Variants in FNBP1 observed in about 807,000 individuals in gnomAD.
The protein encoded by FNBP1 is formin binding protein 1, also known as formin-binding protein 1.
A neutral mutation model predicts 90.6 loss-of-function variants in FNBP1; 26 were observed. The ratio of observed to expected loss-of-function variants is 0.29; its 90% CI spans 0.21 to 0.40. The LOEUF (loss-of-function observed/expected upper bound fraction) is 0.40. Ranked by LOEUF, FNBP1 falls within the 10% of genes least tolerant of loss-of-function variation. The pLI is 1.00. For missense variants in FNBP1, 635 were observed against 768.0 expected (o/e 0.83, Z 2.05); for synonymous variants, 260 against 265.2 (o/e 0.98, Z 0.19).
In FNBP1 at chr9:130,041,016, T is replaced by C. The variant is rs893154346; in HGVS notation, c.24+1936A>G. Among the ~76,000 whole-genome samples the C allele has an allele frequency of 2.0e-5, 3 of 151,124 alleles. No homozygotes were observed. The highest frequency in any genetic ancestry group is 4.4e-5 in the Non-Finnish European group (3 of 67,788). On this transcript the variant is annotated intron_variant, in intron 1 of 16. Transcript: ENST00000446176. The surrounding 1 kb of genome is among the most constrained non-coding windows in gnomAD (Gnocchi z 4.3). The stretch of plus-strand genomic sequence containing the variant: ...TCTTTTTTCTTTTCTTTTTTTTTTT[T>C]TTAAGAGGAGGCCTCTCCAGATATT...
intron 3 of FNBP1, 52 bp from the exon 4 acceptor site, chr9:129,978,664 A>G (rs140777766): frequency 6.4e-7 from 1 of 1,569,730 alleles, no homozygotes. Flanking sequence ...ACATTCATTC[A>G]TATTCTGCTT....
chr9:130,001,268 G>A (rs149328922), intron 1 of FNBP1, among the ~76,000 whole-genome samples: 3,983 of 146,294 alleles, frequency 0.027, 74 homozygotes, highest in Middle Eastern at 0.048. Flanking sequence ...GGAGGCGGAG[G>A]TTGCAATGAG....
At chr9:129,935,939 T>C (rs963867953) in intron 6 of FNBP1, among the ~76,000 whole-genome samples, 14 of 126,112 alleles carry the variant, frequency 1.1e-4, no homozygotes, top group African/African-American at 3.0e-4. Context: ...GTTTTATACA[T>C]TGCTGTTCCT....
intron 2 of FNBP1, among the ~76,000 whole-genome samples, chr9:129,986,233 A>T (rs1406125717): frequency 6.6e-6 from 1 of 152,158 alleles, no homozygotes; most frequent in African/African-American, 2.4e-5. Flanking sequence ...AAGAAAACAT[A>T]TAAGGAAAAT....
intron 15 of FNBP1, among the ~76,000 whole-genome samples, chr9:129,896,563 T>C (rs540601390): frequency 2.8e-4 from 42 of 152,064 alleles, no homozygotes; most frequent in African/African-American, 7.7e-4. Context: ...TTTCTATTTT[T>C]AGTAGAGATG....
At chr9:130,024,162 C>A (rs2058118828) in intron 1 of FNBP1, among the ~76,000 whole-genome samples, 1 of 152,096 alleles carries the variant, frequency 6.6e-6, no homozygotes, top group Admixed American at 6.6e-5. Flanking sequence ...GTAATCCCAA[C>A]ACTTTGGGAG....
intron 11 of FNBP1, among the ~76,000 whole-genome samples, chr9:129,912,193 A>AT (rs1157463326): frequency 6.6e-6 from 1 of 152,062 alleles, no homozygotes; most frequent in African/African-American, 2.4e-5. Context: ...ATTAAAGGAC[A>AT]CCCAGCTAGT....
chr9:130,029,879 G>A (rs1193017882), intron 1 of FNBP1, among the ~76,000 whole-genome samples: 1 of 152,092 alleles, frequency 6.6e-6, no homozygotes, highest in Non-Finnish European at 1.5e-5. Context: ...AGCTACTTGG[G>A]AAGTTGAGGT....
chr9:129,990,932 GTTTTT>G (rs35179648), intron 2 of FNBP1, among the ~76,000 whole-genome samples: 7 of 129,998 alleles, frequency 5.4e-5, no homozygotes, highest in East Asian at 4.6e-4. Flanking sequence ...TGACACCAGG[GTTTTT>G]TTTTTTTTTT....
chr9:130,023,129 G>A (rs572460934), intron 1 of FNBP1, among the ~76,000 whole-genome samples: 4 of 151,976 alleles, frequency 2.6e-5, no homozygotes, highest in Admixed American at 1.3e-4. Context: ...AGGGAGGGGG[G>A]AATTTACTCA....
chr9:129,957,607 A>G lies in FNBP1; in HGVS notation c.409-143T>C, dbSNP rs2047156071. The stretch of plus-strand genomic sequence containing the variant: ...CACTTTGTCACCCAGGCTGGAGTGC[A>G]GTGGCGCCATCTTGGCTCACTGCAG... On this transcript the variant is annotated intron_variant, in intron 5 of 16. Coordinates refer to ENST00000446176, the MANE Select transcript of FNBP1 (RefSeq NM_015033.3). This position sits in a 1 kb window ranked among gnomAD's most constrained non-coding sequence, Gnocchi z 4.3. 2 of 685,222 alleles carry G rather than the reference A, an allele frequency of 2.9e-6. No homozygotes were observed. The highest frequency in any genetic ancestry group is 1.8e-5 in the African/African-American group (1 of 54,874). The allele number at this position is 685,222 out of a possible 1,614,324, so 42.4% of individuals were successfully genotyped here.
chr9:130,035,285 C>T (rs536311533), intron 1 of FNBP1, among the ~76,000 whole-genome samples: 27 of 152,304 alleles, frequency 1.8e-4, no homozygotes, highest in African/African-American at 6.3e-4. Context: ...CCAAGGCCAT[C>T]CTCTTCTTGG....
intron 6 of FNBP1, among the ~76,000 whole-genome samples, chr9:129,941,629 G>GTGAC (rs2044339374): frequency 6.6e-6 from 1 of 152,050 alleles, no homozygotes; most frequent in Non-Finnish European, 1.5e-5. Context: ...GCCTGCCCAG[G>GTGAC]TGACTTTTCA....
At chr9:129,916,683 G>T (rs1000731724) in intron 10 of FNBP1, among the ~76,000 whole-genome samples, 1 of 151,816 alleles carries the variant, frequency 6.6e-6, no homozygotes, top group Non-Finnish European at 1.5e-5. Context: ...ATTTCCCATG[G>T]AAAGTTTTAT....
chr9:129,997,561 T>C (rs1564533901), intron 1 of FNBP1, among the ~76,000 whole-genome samples: 1 of 152,210 alleles, frequency 6.6e-6, no homozygotes, highest in Non-Finnish European at 1.5e-5. Flanking sequence ...AGAACAAATA[T>C]ACACACAACT....
At position 129,927,258 on chromosome 9, in the gene FNBP1, G is replaced by A; in HGVS notation, c.726C>T (p.Ile242=). The change falls in exon 8 of 17, where the codon ATC becomes ATT. Residue 242 remains isoleucine, a synonymous_variant. Transcript: ENST00000446176. ...KTYAEVDRQV[I]PIIGKCLDGI... ...CATCCAGGCACTTCCCAATGATTGG[G>A]ATCACCTGCCGATCAACCTCTGCAT... 6.2e-7 allele frequency: 1 copy of A among 1,613,658 alleles called. No individual in the cohort carries two copies. Among genetic ancestry groups the A allele is most frequent in the South Asian group, 1.1e-5 (1 of 91,056 alleles).
At chr9:129,960,380 T>C (rs1217213305) in intron 4 of FNBP1, among the ~76,000 whole-genome samples, 34 of 31,384 alleles carry the variant, frequency 1.1e-3, no homozygotes, top group Non-Finnish European at 1.3e-3. Flanking sequence ...CAAGACTCCA[T>C]CTCAAAAAAA....
At chr9:130,051,406 A>G in the FNBP1 span, among the ~76,000 whole-genome samples, 3 of 152,234 alleles carry the variant, frequency 2.0e-5, no homozygotes, top group Admixed American at 2.0e-4. Flanking sequence ...TAACACATTA[A>G]TTACTTAAAA....
chr9:129,937,960 T>C (rs2043731117), intron 6 of FNBP1, among the ~76,000 whole-genome samples: 1 of 151,842 alleles, frequency 6.6e-6, no homozygotes, highest in African/African-American at 2.4e-5. Context: ...GCCAGGAGAT[T>C]GAGACCAGCC....
Sources: gnomAD v4.1 joint callset for allele counts (sites outside exome capture counted in the v4.1 genomes callset) on GRCh38, gnomAD v4.1.1 for gene constraint, Gnocchi (gnomAD v3.1) non-coding constraint, MANE v1.5 for transcripts, NCBI Gene and HGNC (gene_info 2026-07-23, HGNC 2026-07-21) for gene names.